Variants in ZNF33B observed in about 807,000 individuals in gnomAD.
ZNF33B encodes the protein zinc finger protein 11b (KOX 2).
Under a neutral mutation model 45.8 loss-of-function variants are expected in ZNF33B, and 29 were observed. The observed-to-expected ratio is 0.63, with a 90% CI of 0.47 to 0.86. The LOEUF is 0.86. ZNF33B is among the 40% of genes least tolerant of loss of function. The pLI, the probability that ZNF33B is intolerant of heterozygous loss-of-function variation, is 0.00. For synonymous variants in ZNF33B, 305 were observed against 307.8 expected (o/e 0.99, Z 0.10); for missense variants, 831 against 909.9 (o/e 0.91, Z 1.12).
chr10:42,612,573 G>A (rs1838147457), intron 4 of ZNF33B, among the ~76,000 whole-genome samples: 1 of 152,022 alleles, frequency 6.6e-6, no homozygotes, highest in African/African-American at 2.4e-5. Flanking sequence ...AGCCTTGAGT[G>A]GTCATGGCAT....
At chr10:42,627,286 G>T (rs181270243) in intron 4 of ZNF33B, among the ~76,000 whole-genome samples, 81 of 152,354 alleles carry the variant, frequency 5.3e-4, no homozygotes, top group African/African-American at 1.8e-3. Flanking sequence ...TAACAGGCAT[G>T]AGCCACCACA....
chr10:42,605,750 A>T (rs1837814817), intron 4 of ZNF33B, among the ~76,000 whole-genome samples: 3 of 152,178 alleles, frequency 2.0e-5, no homozygotes, highest in Non-Finnish European at 4.4e-5. Flanking sequence ...GTATAAGTCA[A>T]TGTTTATAAT....
chr10:42,625,570 C>T (rs1838771427), intron 4 of ZNF33B, among the ~76,000 whole-genome samples: 1 of 152,160 alleles, frequency 6.6e-6, no homozygotes, highest in Non-Finnish European at 1.5e-5. Context: ...ATCTCCGCCT[C>T]CTGGGTTCAA....
At position 42,575,353 on chromosome 10, in the gene ZNF33B, G is replaced by A. The variant is rs115949119; in HGVS notation, c.74-675C>T. ...CAAAGAGGAGCAGCAGGAAAGAAAT[G>A]AGAAACCACCAGGAGCCTGGAAGAA... On this transcript the variant is annotated intron_variant, in intron 1 of 1. Coordinates refer to the ZNF33B transcript ENST00000462075. 9.3e-4 allele frequency among the ~76,000 whole-genome samples: 141 copies of A among 152,224 alleles called. 1 individual carries two copies. Among genetic ancestry groups the A allele is most frequent in the African/African-American group, 3.1e-3 (127 of 41,540 alleles).
At chr10:42,637,311 T>G (rs1797335367) in intron 1 of ZNF33B, among the ~76,000 whole-genome samples, 1 of 152,198 alleles carries the variant, frequency 6.6e-6, no homozygotes, top group Non-Finnish European at 1.5e-5. Flanking sequence ...GAAAAAACAT[T>G]AACACTAAAA....
intron 4 of ZNF33B, among the ~76,000 whole-genome samples, chr10:42,613,337 C>A (rs1161156169): frequency 2.0e-5 from 3 of 151,986 alleles, no homozygotes; most frequent in Admixed American, 6.6e-5. Context: ...CCTAAAAGAT[C>A]AGGAGTTCGT....
rs1837153720 is a variant in ZNF33B at position 42,592,113 on chromosome 10, ACTT to A, written c.*497_*499del. On this transcript the variant is annotated 3_prime_UTR_variant, in exon 5 of 5. Coordinates refer to ENST00000359467, the MANE Select transcript of ZNF33B (RefSeq NM_006955.3). ...ACGGGAATTCTCTGTACTCATTACA[ACTT>A]CTTGTGAGGTTATTTTAATTATTAC... 1 of 161,098 alleles carries A rather than the reference ACTT, an allele frequency of 6.2e-6. No homozygotes were observed. The highest frequency in any genetic ancestry group is 1.9e-4 in the South Asian group (1 of 5,318). 10.0% of individuals were successfully genotyped at this position (161,098 alleles called of 1,614,324 possible). A position where few individuals can be genotyped will look rare whatever the true frequency, so the allele number is the denominator to read the frequency against.
chr10:42,621,700 T>C (rs184804801), intron 4 of ZNF33B, among the ~76,000 whole-genome samples: 71 of 152,312 alleles, frequency 4.7e-4, no homozygotes, highest in Admixed American at 1.4e-3. Flanking sequence ...AGAATAGAAC[T>C]TCTTCAACAT....
At chr10:42,597,404 A>T (rs1419741565) in intron 4 of ZNF33B, among the ~76,000 whole-genome samples, 2 of 151,846 alleles carry the variant, frequency 1.3e-5, no homozygotes, top group African/African-American at 2.4e-5. Flanking sequence ...CACAAAAAAC[A>T]GTTTTGTTGT....
chr10:42,586,150 ATTTTTT>A (rs67457246), downstream of ZNF33B, among the ~76,000 whole-genome samples: 17 of 121,548 alleles, frequency 1.4e-4, no homozygotes, highest in African/African-American at 5.2e-4. Flanking sequence ...TTTTCCTCAG[ATTTTTT>A]TTTTTTTTTT....
chr10:42,594,484 C>A lies in ZNF33B; in HGVS notation c.466G>T (p.Val156Phe), dbSNP rs774715676. The change falls in exon 5 of 5, where the codon GTT becomes TTT. Residue 156 changes from valine (V) to phenylalanine (F), a missense_variant. Transcript: ENST00000359467. ...CCTAAATAGTTTATCTTACTGATAACCAATTCTGAAACAGTGTTGAAACTC... is the reference window on the plus strand; with the variant it reads ...CCTAAATAGTTTATCTTACTGATAAACAATTCTGAAACAGTGTTGAAACTC... ...GMSFNTVSEL[V>F]ISKINYLGKK... 5.0e-6 allele frequency: 8 copies of A among 1,612,922 alleles called. No homozygotes were observed. In the African/African-American group the frequency reaches 5.3e-5, roughly 11 times the overall value.
At position 42,632,034 on chromosome 10, in the gene ZNF33B, G is replaced by A; in HGVS notation, c.155-10C>T. 5.6e-6 allele frequency: 9 copies of A among 1,613,456 alleles called. No homozygotes were observed. Among genetic ancestry groups the A allele is most frequent in the Non-Finnish European group, 7.6e-6 (9 of 1,179,462 alleles). ...TTGTGAGCACAATACCCTGTTAACA[G>A]GAAATAATTTAGGATTTGGACCAAG... On this transcript the variant is annotated splice_polypyrimidine_tract_variant and intron_variant, in intron 3 of 4. Coordinates refer to ENST00000359467, the MANE Select transcript of ZNF33B (RefSeq NM_006955.3).
At chr10:42,618,898 A>C (rs1838447466) in intron 4 of ZNF33B, among the ~76,000 whole-genome samples, 1 of 152,146 alleles carries the variant, frequency 6.6e-6, no homozygotes, top group Non-Finnish European at 1.5e-5. Flanking sequence ...AAATTACACA[A>C]TATACATTGA....
chr10:42,581,557 C>G (rs924284105), intron 1 of ZNF33B: 2 of 151,338 alleles, frequency 1.3e-5, no homozygotes, highest in Admixed American at 1.3e-4. Context: ...ATTGATGGTG[C>G]CGAAGGAAAG....
intron 2 of ZNF33B, among the ~76,000 whole-genome samples, chr10:42,634,838 G>C (rs908941336): frequency 3.9e-5 from 6 of 152,180 alleles, no homozygotes; most frequent in African/African-American, 9.7e-5. Flanking sequence ...TAACAAAAGA[G>C]ATTATCTTCA....
chr10:42,593,001 G>T lies in ZNF33B; in HGVS notation c.1949C>A (p.Ser650Ter). 6.2e-7 allele frequency: 1 copy of T among 1,614,032 alleles called. No homozygotes were observed. Among genetic ancestry groups the T allele is most frequent in the Non-Finnish European group, 8.5e-7 (1 of 1,179,974 alleles). Residue 650 changes from serine to a stop codon, truncating the protein, a stop_gained, in exon 5 of 5, where the codon TCA (serine) becomes TAA (stop). Coordinates refer to ENST00000359467, the MANE Select transcript of ZNF33B (RefSeq NM_006955.3). LOFTEE classifies it high-confidence loss of function. ...GGTTCTCTGATGTACAATTAGAGCT[G>T]ACTTATGGCAGAAAGCTTTTCCACA... ...NECGKAFCHKSALIVHQRTHT... is the reference protein window; with the variant it reads ...NECGKAFCHK
chr10:42,617,549 C>G (rs1240813063), intron 4 of ZNF33B, among the ~76,000 whole-genome samples: 1 of 152,188 alleles, frequency 6.6e-6, no homozygotes, highest in African/African-American at 2.4e-5. Context: ...TTCAATCAAT[C>G]TTATTCAGAT....
At position 42,636,856 on chromosome 10, in the gene ZNF33B, C is replaced by T. The variant is rs1436831535; in HGVS notation, c.9+64G>A. ...AACAAAACAAAACAAAAAAACCATA[C>T]TGACTCTTACAAATCTCACAAAGTC... On this transcript the variant is annotated intron_variant, in intron 2 of 4. Transcript: ENST00000359467. The T allele has an allele frequency of 3.7e-6, 6 of 1,608,942 alleles. No homozygotes were observed. The African/African-American group carries it at 6.7e-5, about 18-fold the overall frequency.
At position 42,599,517 on chromosome 10, in the gene ZNF33B, CTA is replaced by C. The variant is rs1043700860; in HGVS notation, c.251-4820_251-4819del. Among the ~76,000 whole-genome samples the C allele has an allele frequency of 2.0e-5, 3 of 150,820 alleles. No homozygotes were observed. In the South Asian group the frequency reaches 6.3e-4, roughly 32 times the overall value. On this transcript the variant is annotated intron_variant, in intron 4 of 4. Transcript: ENST00000359467. ...TAAATGCATACACATGAAATTCCCT[CTA>C]TGTGAAATTTACACATTATATATTT...
Sources: allele counts gnomAD v4.1 joint callset (sites outside exome capture counted in the v4.1 genomes callset), GRCh38; gene constraint gnomAD v4.1.1; transcripts MANE v1.5; gene names NCBI Gene and HGNC (gene_info 2026-07-23, HGNC 2026-07-21).